P2RX7: variants seen among roughly 807,000 people sequenced by gnomAD.
The protein encoded by P2RX7 is purinergic receptor P2X 7.
A neutral mutation model predicts 71.6 loss-of-function variants in P2RX7; 62 were observed. That is an observed-to-expected ratio of 0.87 (90% CI 0.71 to 1.07). The LOEUF is 1.07. Among genes scored for constraint, P2RX7 ranks in the 50% least tolerant of loss-of-function variants. P2RX7 has a pLI of 0.00. For missense variants in P2RX7, 686 were observed against 748.5 expected (o/e 0.92, Z 0.97); for synonymous variants, 299 against 283.3 (o/e 1.06, Z -0.56).
At position 121,182,425 on chromosome 12, in the gene P2RX7, T is replaced by C. The variant is rs140560328; in HGVS notation, c.1291-1880T>C. Among the ~76,000 whole-genome samples the C allele has an allele frequency of 2.1e-3, 326 of 152,332 alleles. 1 individual carries two copies. Among genetic ancestry groups the C allele is most frequent in the African/African-American group, 7.5e-3 (312 of 41,584 alleles). On this transcript the variant is annotated intron_variant, in intron 12 of 12. Transcript: ENST00000328963. The stretch of plus-strand genomic sequence containing the variant: ...CTGTGGTTGTCTGAATATCATGGAC[T>C]CTATTTACACAAACCTAAATAGAAT...
At chr12:121,177,533 C>T in intron 11 of P2RX7, 87 bp downstream of exon 11, 1 of 1,288,516 alleles carries the variant, frequency 7.8e-7, no homozygotes, top group Non-Finnish European at 1.1e-6. Flanking sequence ...GCCCAAATCA[C>T]AGGCTTCATC....
chr12:121,158,428 T>G (rs180830863), intron 3 of P2RX7, among the ~76,000 whole-genome samples: 1 of 152,310 alleles, frequency 6.6e-6, no homozygotes, highest in East Asian at 1.9e-4. Flanking sequence ...TACCCTCTCT[T>G]CAAGGTCTGT....
At chr12:121,162,906 G>A (rs1880043436) in intron 5 of P2RX7, among the ~76,000 whole-genome samples, 1 of 151,966 alleles carries the variant, frequency 6.6e-6, no homozygotes, top group Non-Finnish European at 1.5e-5. Context: ...GGAGGGAGAT[G>A]GAAGGGAAGG....
chr12:121,149,813 T>G lies in P2RX7; in HGVS notation c.126-4972T>G, dbSNP rs1478529608. Among the ~76,000 whole-genome samples the G allele has an allele frequency of 1.3e-5, 2 of 152,072 alleles. No homozygotes were observed. Among genetic ancestry groups the G allele is most frequent in the Non-Finnish European group, 2.9e-5 (2 of 68,006 alleles). ...TTGAACTCCTGGGCTCAAGGGATCC[T>G]CCTACCTCGGTCTAACAAGTAGCTG... On this transcript the variant is annotated intron_variant, in intron 1 of 12. Coordinates refer to ENST00000328963, the MANE Select transcript of P2RX7 (RefSeq NM_002562.6). This position sits in a 1 kb window ranked among gnomAD's most constrained non-coding sequence, Gnocchi z 4.7.
Position 121,154,751 on chromosome 12 carries a change from C to T in P2RX7, c.126-34C>T. On this transcript the variant is annotated intron_variant, in intron 1 of 12. Transcript: ENST00000328963. This position sits in a 1 kb window ranked among gnomAD's most constrained non-coding sequence, Gnocchi z 4.2. ...TGCATCCCAACCCGCTGTGCTATGC[C>T]TCCCGTTGATGCTTTCCCATGTCTG... 6.9e-7 allele frequency: 1 copy of T among 1,448,376 alleles called. No individual in the cohort carries two copies. Among genetic ancestry groups the T allele is most frequent in the Non-Finnish European group, 9.7e-7 (1 of 1,028,712 alleles). 89.7% of individuals were successfully genotyped at this position (1,448,376 alleles called of 1,614,324 possible).
chr12:121,168,116 A>C (rs1653609), intron 8 of P2RX7, among the ~76,000 whole-genome samples: 80,007 of 151,702 alleles, frequency 0.53, 21,730 homozygotes, highest in African/African-American at 0.66. Flanking sequence ...CCTATGAGAT[A>C]ATAGCATATA....
In P2RX7 at chr12:121,165,432, C is replaced by T; in HGVS notation, c.609C>T (p.Tyr203=). 2 of 1,613,522 alleles carry T rather than the reference C, an allele frequency of 1.2e-6. No homozygotes were observed. The highest frequency in any genetic ancestry group is 8.5e-7 in the Non-Finnish European group (1 of 1,179,458). The part of the protein sequence containing the change: ...KNNIDFPGHN[Y]TTRNILPGLN... ...ATATCGACTTCCCCGGCCACAACTA[C>T]ACCACGTAAGTGCCCAGGCTGCCTG... The change falls in exon 6 of 13, where the codon TAC becomes TAT. Residue 203 remains tyrosine, a synonymous_variant. Transcript: ENST00000328963.
chr12:121,158,723 T>C (rs1350480063), intron 3 of P2RX7, among the ~76,000 whole-genome samples: 5 of 151,708 alleles, frequency 3.3e-5, no homozygotes, highest in Non-Finnish European at 7.4e-5. Context: ...AAAACTAATG[T>C]GCTGTTTTTT....
intron 11 of P2RX7, among the ~76,000 whole-genome samples, chr12:121,177,864 G>C (rs1381339670): frequency 1.3e-5 from 2 of 151,864 alleles, no homozygotes; most frequent in Non-Finnish European, 2.9e-5. Context: ...GACTACAGGG[G>C]CACACCACCA....
intron 1 of P2RX7, among the ~76,000 whole-genome samples, chr12:121,143,766 C>T (rs1248561336): frequency 7.2e-5 from 11 of 151,810 alleles, no homozygotes; most frequent in African/African-American, 2.7e-4. Context: ...GCAGGAGAAT[C>T]GCTTGAACTC....
At position 121,180,370 on chromosome 12, in the gene P2RX7, C is replaced by G. The variant is rs1416031049; in HGVS notation, c.1205C>G (p.Ser402Cys). ...VEPKPTLKYV[S>C]FVDESHIRMV... The stretch of plus-strand genomic sequence containing the variant: ...TTTTCCTAGACATTAAAGTATGTGT[C>G]CTTTGTGGATGAATCCCACATTAGG... Residue 402 changes from serine to cysteine, a missense_variant, in exon 12 of 13, where the codon TCC becomes TGC. Coordinates refer to ENST00000328963, the MANE Select transcript of P2RX7 (RefSeq NM_002562.6). The G allele has an allele frequency of 3.8e-6, 6 of 1,592,118 alleles. No homozygotes were observed. The Middle Eastern group carries it at 5.0e-4, about 133-fold the overall frequency.
At chr12:121,167,013 C>T (rs545557987) in intron 7 of P2RX7, among the ~76,000 whole-genome samples, 33 of 150,052 alleles carry the variant, frequency 2.2e-4, no homozygotes, top group African/African-American at 6.2e-4. Context: ...GATCGCACCA[C>T]TGCACTCCAG....
Position 121,166,282 on chromosome 12 carries a change from T to A in P2RX7, c.744+95T>A, listed in dbSNP as rs911752972. On this transcript the variant is annotated intron_variant, in intron 7 of 12. Transcript: ENST00000328963. ...AGGCCGGGCCACTGGGTCTTCATAA[T>A]GTGGCTCACATTTACTGAGCATTTA... 7 of 1,334,112 alleles carry A rather than the reference T, an allele frequency of 5.2e-6. No homozygotes were observed. The African/African-American group carries it at 1.0e-4, about 19-fold the overall frequency. 82.6% of individuals were successfully genotyped at this position (1,334,112 alleles called of 1,614,324 possible). A position where few individuals can be genotyped will look rare whatever the true frequency, so the allele number is the denominator to read the frequency against.
chr12:121,184,368 A>C lies in P2RX7; in HGVS notation c.1354A>C (p.Ile452Leu). Residue 452 changes from isoleucine to leucine, a missense_variant, in exon 13 of 13, where the codon ATT becomes CTT. Transcript: ENST00000328963. ...CCTGGCCCTCCATGACACACCCCCG[A>C]TTCCTGGACAACCAGAGGAGATACA... is the stretch of plus-strand genomic sequence containing the variant. Reference protein sequence around the residue: ...LPLALHDTPPIPGQPEEIQLL... With the variant: ...LPLALHDTPPLPGQPEEIQLL... 2.5e-6 allele frequency: 4 copies of C among 1,614,150 alleles called. No homozygotes were observed. Among genetic ancestry groups the C allele is most frequent in the Non-Finnish European group, 3.4e-6 (4 of 1,180,032 alleles).
intron 1 of P2RX7, among the ~76,000 whole-genome samples, chr12:121,134,801 A>G (rs530431831): frequency 1.3e-5 from 2 of 152,232 alleles, no homozygotes; most frequent in Admixed American, 1.3e-4. Flanking sequence ...CTCTGTGCTG[A>G]TTGATAATGA....
chr12:121,135,458 T>C (rs1371706838), intron 1 of P2RX7, among the ~76,000 whole-genome samples: 1 of 152,040 alleles, frequency 6.6e-6, no homozygotes, highest in Non-Finnish European at 1.5e-5. Flanking sequence ...ACGTCCAAGT[T>C]CAGGATTTGA....
At chr12:121,170,855 G>C (rs1163555810) in intron 8 of P2RX7, among the ~76,000 whole-genome samples, 2 of 152,172 alleles carry the variant, frequency 1.3e-5, no homozygotes, top group Non-Finnish European at 2.9e-5. Context: ...ACACACAAAA[G>C]AGAAGGAAAT....
intron 2 of P2RX7, 129 bp from the exon 3 acceptor site, chr12:121,155,950 G>C: frequency 1.2e-6 from 1 of 801,622 alleles, no homozygotes; most frequent in Non-Finnish European, 2.1e-6. Flanking sequence ...CATATTCCAA[G>C]TTGCCCACAG....
At chr12:121,136,229 C>T (rs1490649805) in intron 1 of P2RX7, among the ~76,000 whole-genome samples, 2 of 150,392 alleles carry the variant, frequency 1.3e-5, no homozygotes, top group African/African-American at 2.4e-5. Context: ...TAGTAAATGC[C>T]CCCTTCTGCA....
Sources: allele counts gnomAD v4.1 joint callset (sites outside exome capture counted in the v4.1 genomes callset), GRCh38; gene constraint gnomAD v4.1.1; non-coding constraint Gnocchi (gnomAD v3.1); transcripts MANE v1.5; gene names NCBI Gene and HGNC (gene_info 2026-07-23, HGNC 2026-07-21).